BCAS3: variants seen among roughly 807,000 people sequenced by gnomAD.
BCAS3 encodes BCAS4/BCAS3 fusion.
A neutral mutation model predicts 116.1 loss-of-function variants in BCAS3; 53 were observed. The ratio of observed to expected loss-of-function variants is 0.46; its 90% CI spans 0.37 to 0.57. The LOEUF (loss-of-function observed/expected upper bound fraction) is 0.57, where lower values mean the gene tolerates loss of function less well. BCAS3 is among the 20% of genes least tolerant of loss of function. The pLI is 0.00. For missense variants in BCAS3, 917 were observed against 1,165.4 expected, an observed-to-expected ratio of 0.79 and a Z score of 3.10; for synonymous variants, 391 against 408.2, an observed-to-expected ratio of 0.96 and a Z score of 0.51.
At chr17:61,293,197 C>G (rs2052597224) in intron 22 of BCAS3, among the ~76,000 whole-genome samples, 1 of 152,012 alleles carries the variant, frequency 6.6e-6, no homozygotes. Flanking sequence ...AGGAGGTGGC[C>G]CCAACTTCAT....
At chr17:60,996,812 A>G (rs1336000482) in intron 15 of BCAS3, among the ~76,000 whole-genome samples, 1 of 152,242 alleles carries the variant, frequency 6.6e-6, no homozygotes, top group East Asian at 1.9e-4. Flanking sequence ...CATACAAAGC[A>G]AAACTATATA....
intron 16 of BCAS3, 150 bp downstream of exon 16, chr17:61,016,051 A>G (rs1472200121): frequency 2.4e-6 from 2 of 839,382 alleles, no homozygotes; most frequent in Non-Finnish European, 3.7e-6. Context: ...AGTACAAAGC[A>G]TAGAACTTGC....
chr17:60,908,928 A>G (rs1364875403), intron 11 of BCAS3, among the ~76,000 whole-genome samples: 2 of 152,178 alleles, frequency 1.3e-5, no homozygotes, highest in Non-Finnish European at 2.9e-5. Flanking sequence ...ACAAGTAGTA[A>G]CAGAAATAGA....
At chr17:60,986,786 A>G (rs1275977818) in intron 14 of BCAS3, 1 of 152,060 alleles carries the variant, frequency 6.6e-6, no homozygotes, top group Non-Finnish European at 1.5e-5. Flanking sequence ...TCTTCGGGTT[A>G]TCACTTTGTC....
chr17:61,365,407 C>T lies in BCAS3; in HGVS notation c.2426-2920C>T, dbSNP rs2058673574. Reference sequence around the variant, plus strand: ...GGAGTGCAGTGGCTCAATCTCGGCTCACTGCAACCTCTGCCTCCCAGGTTC... The same window carrying T: ...GGAGTGCAGTGGCTCAATCTCGGCTTACTGCAACCTCTGCCTCCCAGGTTC... On this transcript the variant is annotated intron_variant, in intron 22 of 23. Coordinates refer to ENST00000407086, the MANE Select transcript of BCAS3 (RefSeq NM_017679.5). This position sits in a 1 kb window ranked among gnomAD's most constrained non-coding sequence, Gnocchi z 4.6. Among the ~76,000 whole-genome samples the T allele has an allele frequency of 6.6e-6, 1 of 152,188 alleles. No homozygotes were observed. The highest frequency in any genetic ancestry group is 2.1e-4 in the South Asian group (1 of 4,828).
intron 22 of BCAS3, among the ~76,000 whole-genome samples, chr17:61,230,741 G>T (rs2082627088): frequency 1.3e-5 from 2 of 152,074 alleles, no homozygotes; most frequent in African/African-American, 2.4e-5. Context: ...GAATAGTGTG[G>T]CAGTGAACAT....
rs1485430177 is a variant in BCAS3, at chr17:61,300,778, A to C, written c.2426-67549A>C. Among the ~76,000 whole-genome samples the C allele has an allele frequency of 1.6e-4, 24 of 152,108 alleles. 1 individual carries two copies. Among genetic ancestry groups the C allele is most frequent in the Admixed American group, 1.5e-3 (23 of 15,282 alleles). On this transcript the variant is annotated intron_variant, in intron 22 of 23. Transcript: ENST00000407086. The surrounding 1 kb of genome is among the most constrained non-coding windows in gnomAD (Gnocchi z 5.1). ...CATATCTGATTAGCTTCAATTGACA[A>C]TGTTTTCTACACTCTGATTTTGTTC...
chr17:60,782,144 A>G (rs989547180), intron 6 of BCAS3, among the ~76,000 whole-genome samples: 2 of 152,010 alleles, frequency 1.3e-5, no homozygotes, highest in Non-Finnish European at 2.9e-5. Context: ...ATTACTGAGG[A>G]GATATGACTT....
intron 5 of BCAS3, among the ~76,000 whole-genome samples, chr17:60,724,287 A>T (rs1261036394): frequency 6.6e-6 from 1 of 151,210 alleles, no homozygotes; most frequent in African/African-American, 2.4e-5. Context: ...GCTGGGCATG[A>T]TGGTGTGTGC....
intron 5 of BCAS3, among the ~76,000 whole-genome samples, chr17:60,738,421 G>A (rs1291570911): frequency 6.6e-6 from 1 of 152,140 alleles, no homozygotes; most frequent in Non-Finnish European, 1.5e-5. Context: ...AAGTCTTCTT[G>A]GGGTATTGAC....
At position 61,056,266 on chromosome 17, in the gene BCAS3, CAA is replaced by C. The variant is rs1229579113; in HGVS notation, c.2029+15375_2029+15376del. ...TCATGTCCAGAGCTTTACATGGTGT[CAA>C]CTGAAGGACAGCCTTCCGCGAGTTG... On this transcript the variant is annotated intron_variant, in intron 19 of 23. Transcript: ENST00000407086. This position sits in a 1 kb window ranked among gnomAD's most constrained non-coding sequence, Gnocchi z 4.9. Among the ~76,000 whole-genome samples the C allele has an allele frequency of 1.3e-5, 2 of 152,146 alleles. No homozygotes were observed. Among genetic ancestry groups the C allele is most frequent in the African/African-American group, 4.8e-5 (2 of 41,426 alleles).
At chr17:60,889,854 T>C in intron 10 of BCAS3, 83 bp downstream of exon 10, 1 of 1,234,806 alleles carries the variant, frequency 8.1e-7, no homozygotes, top group South Asian at 1.3e-5. Context: ...TGCTCCATAG[T>C]TGATTACCAA....
rs1383238172 is a variant in BCAS3, at chr17:60,960,280, C to T, written c.1221+12928C>T. Among the ~76,000 whole-genome samples the T allele has an allele frequency of 2.6e-5, 4 of 152,064 alleles. No individual in the cohort carries two copies. Among genetic ancestry groups the T allele is most frequent in the Non-Finnish European group, 5.9e-5 (4 of 68,016 alleles). ...TCTAAATTTTTTTTAAAAATATTAT[C>T]GGCTCAAAGGTCCAATCTTATCATC... On this transcript the variant is annotated intron_variant, in intron 14 of 23. Transcript: ENST00000407086. This position sits in a 1 kb window ranked among gnomAD's most constrained non-coding sequence, Gnocchi z 4.1.
intron 6 of BCAS3, among the ~76,000 whole-genome samples, chr17:60,806,128 G>A (rs551873394): frequency 1.3e-5 from 2 of 151,826 alleles, no homozygotes; most frequent in African/African-American, 4.8e-5. Context: ...CACCCGCCTC[G>A]GCCTCCCAAA....
rs116242326 is a variant in BCAS3 at position 61,258,709 on chromosome 17, T to C, written c.2426-109618T>C. ...GAGAATTTTGGATAATAAATTTTAGTAGACTCATTTGATATAACAGGGACT... is the reference window on the plus strand; with the variant it reads ...GAGAATTTTGGATAATAAATTTTAGCAGACTCATTTGATATAACAGGGACT... On this transcript the variant is annotated intron_variant, in intron 22 of 23. Transcript: ENST00000407086. The surrounding 1 kb of genome is among the most constrained non-coding windows in gnomAD (Gnocchi z 4.7). 1.4e-3 allele frequency among the ~76,000 whole-genome samples: 207 copies of C among 152,360 alleles called. No individual in the cohort carries two copies. Among genetic ancestry groups the C allele is most frequent in the African/African-American group, 4.9e-3 (203 of 41,582 alleles).
At chr17:60,744,804 T>G (rs1481235978) in intron 5 of BCAS3, among the ~76,000 whole-genome samples, 1 of 151,746 alleles carries the variant, frequency 6.6e-6, no homozygotes, top group African/African-American at 2.4e-5. Flanking sequence ...AGTCCAAATG[T>G]TTTTTTCCTC....
intron 5 of BCAS3, among the ~76,000 whole-genome samples, chr17:60,741,286 T>A (rs143702686): frequency 1.3e-5 from 2 of 152,354 alleles, no homozygotes; most frequent in Admixed American, 1.3e-4. Flanking sequence ...GCTGCATGTG[T>A]TGGCCTGGAA....
chr17:61,012,182 A>G lies in BCAS3; in HGVS notation c.1487-3569A>G, dbSNP rs1463508872. On this transcript the variant is annotated intron_variant, in intron 15 of 23. Transcript: ENST00000407086. The surrounding 1 kb of genome is among the most constrained non-coding windows in gnomAD (Gnocchi z 4.5). ...TTTTTTGTTAATATGTCTTTCTGTA[A>G]CATTACATTATGAACTCTTTGAAAG... is the stretch of plus-strand genomic sequence containing the variant. Among the ~76,000 whole-genome samples the G allele has an allele frequency of 3.3e-5, 5 of 152,058 alleles. No homozygotes were observed.
chr17:61,277,266 A>AT (rs1706271518), intron 22 of BCAS3, among the ~76,000 whole-genome samples: 1 of 150,040 alleles, frequency 6.7e-6, no homozygotes, highest in Admixed American at 6.6e-5. Flanking sequence ...CTGTATCAAA[A>AT]AAAAAAAAAA....
Sources: allele counts gnomAD v4.1 joint callset (sites outside exome capture counted in the v4.1 genomes callset), GRCh38; gene constraint gnomAD v4.1.1; non-coding constraint Gnocchi (gnomAD v3.1); transcripts MANE v1.5; gene names NCBI Gene and HGNC (gene_info 2026-07-23, HGNC 2026-07-21).